The following CNTN5 variants were observed in gnomAD, a reference collection of about 807,000 sequenced individuals.
CNTN5 encodes the protein contactin-5.
A neutral mutation model predicts 129.1 loss-of-function variants in CNTN5; 77 were observed. The ratio of observed to expected loss-of-function variants is 0.60; its 90% CI spans 0.50 to 0.72. The LOEUF (loss-of-function observed/expected upper bound fraction) is 0.72, where lower values mean the gene tolerates loss of function less well. Ranked by LOEUF, CNTN5 falls within the 30% of genes least tolerant of loss-of-function variation. The pLI is 0.00. For missense variants in CNTN5, 1,478 were observed against 1,328.8 expected, an observed-to-expected ratio of 1.11 and a Z score of -1.75; for synonymous variants, 509 against 465.6, an observed-to-expected ratio of 1.09 and a Z score of -1.20.
intron 9 of CNTN5, among the ~76,000 whole-genome samples, chr11:100,038,280 G>C (rs1339865036): frequency 6.6e-6 from 1 of 152,116 alleles, no homozygotes; most frequent in Non-Finnish European, 1.5e-5. Context: ...GAGCGGTTTT[G>C]AGTGAGTTTC....
chr11:99,152,418 A>G (rs1860110335), intron 1 of CNTN5, among the ~76,000 whole-genome samples: 1 of 151,778 alleles, frequency 6.6e-6, no homozygotes, highest in African/African-American at 2.4e-5. Flanking sequence ...GTCTTTTTTG[A>G]CCATTGTTGA....
intron 16 of CNTN5, among the ~76,000 whole-genome samples, chr11:100,238,799 T>A (rs1255458337): frequency 3.3e-5 from 5 of 152,188 alleles, no homozygotes; most frequent in Non-Finnish European, 5.9e-5. Flanking sequence ...TAGTCTATAT[T>A]TCTCCAATAG....
intron 1 of CNTN5, among the ~76,000 whole-genome samples, chr11:99,317,812 A>C (rs1332349722): frequency 2.0e-5 from 3 of 151,952 alleles, no homozygotes; most frequent in Non-Finnish European, 4.4e-5. Context: ...TTCTACAATA[A>C]TTAACTTACT....
At chr11:99,707,662 G>T (rs1954812585) in intron 3 of CNTN5, among the ~76,000 whole-genome samples, 1 of 151,570 alleles carries the variant, frequency 6.6e-6, no homozygotes, top group South Asian at 2.1e-4. Flanking sequence ...CAATTTGAAA[G>T]CTAATTCTCT....
intron 2 of CNTN5, among the ~76,000 whole-genome samples, chr11:99,327,422 C>T (rs1200145274): frequency 6.6e-6 from 1 of 152,112 alleles, no homozygotes; most frequent in Non-Finnish European, 1.5e-5. Context: ...AGAAGAGGCT[C>T]TTTGTCAATC....
At chr11:99,774,941 T>C (rs1301277826) in intron 3 of CNTN5, among the ~76,000 whole-genome samples, 2 of 152,098 alleles carry the variant, frequency 1.3e-5, no homozygotes, top group African/African-American at 2.4e-5. Flanking sequence ...TATAGGATAT[T>C]TTATTTGGAT....
chr11:99,295,118 G>C (rs1207649996), intron 1 of CNTN5, among the ~76,000 whole-genome samples: 2 of 152,136 alleles, frequency 1.3e-5, no homozygotes, highest in Admixed American at 6.5e-5. Flanking sequence ...AAACCTTTGA[G>C]AGAATACAGT....
At chr11:99,946,625 A>G (rs977269700) in intron 7 of CNTN5, among the ~76,000 whole-genome samples, 2 of 152,172 alleles carry the variant, frequency 1.3e-5, no homozygotes, top group Admixed American at 1.3e-4. Flanking sequence ...AGGGAGAATC[A>G]ACAATTTATT....
Position 99,917,042 on chromosome 11 carries a change from AT to A in CNTN5, c.673+900del, listed in dbSNP as rs201046168. Among the ~76,000 whole-genome samples, 1,407 of 152,168 alleles carry A rather than the reference AT, an allele frequency of 9.2e-3. 16 individuals are homozygous for A. Among genetic ancestry groups the A allele is most frequent in the African/African-American group, 0.032 (1,332 of 41,516 alleles). Reference sequence around the variant, plus strand: ...AGCACAATTTGGCTCTACTGTACATATTTTTTTAATAACAAAATGGCCTACA... The same window carrying A: ...AGCACAATTTGGCTCTACTGTACATATTTTTTAATAACAAAATGGCCTACA... On this transcript the variant is annotated intron_variant, in intron 7 of 24. Coordinates refer to ENST00000524871, the MANE Select transcript of CNTN5 (RefSeq NM_014361.4).
At chr11:100,146,599 C>A (rs1471234349) in intron 13 of CNTN5, among the ~76,000 whole-genome samples, 1 of 152,060 alleles carries the variant, frequency 6.6e-6, no homozygotes, top group East Asian at 1.9e-4. Context: ...CAGTTTGTAA[C>A]AAATTATTCA....
intron 3 of CNTN5, among the ~76,000 whole-genome samples, chr11:99,801,617 C>T (rs1279804467): frequency 8.7e-6 from 1 of 115,544 alleles, no homozygotes; most frequent in African/African-American, 2.9e-5. Flanking sequence ...TTCTTGACAA[C>T]TTTTTTTAAC....
At chr11:99,238,662 A>G (rs1861395102) in intron 1 of CNTN5, among the ~76,000 whole-genome samples, 1 of 152,118 alleles carries the variant, frequency 6.6e-6, no homozygotes, top group East Asian at 1.9e-4. Context: ...ATGCTAAAAT[A>G]TTTTTTGTCA....
intron 7 of CNTN5, among the ~76,000 whole-genome samples, chr11:99,923,223 C>T (rs1377966739): frequency 6.6e-6 from 1 of 152,056 alleles, no homozygotes; most frequent in African/African-American, 2.4e-5. Flanking sequence ...AACATATGTA[C>T]ATGAAAATAC....
At chr11:99,833,568 ACTCTG>A (rs1429633798) in intron 4 of CNTN5, among the ~76,000 whole-genome samples, 2 of 152,160 alleles carry the variant, frequency 1.3e-5, no homozygotes, top group Admixed American at 6.5e-5. Flanking sequence ...GCTAGGATAA[ACTCTG>A]ATGTTCAGTA....
chr11:99,875,380 A>G (rs1948606419), intron 6 of CNTN5, among the ~76,000 whole-genome samples: 1 of 152,182 alleles, frequency 6.6e-6, no homozygotes, highest in African/African-American at 2.4e-5. Flanking sequence ...GTTGATTATT[A>G]AAACACTCTT....
intron 18 of CNTN5, among the ~76,000 whole-genome samples, chr11:100,286,065 C>A (rs1231229411): frequency 6.6e-6 from 1 of 152,220 alleles, no homozygotes; most frequent in Non-Finnish European, 1.5e-5. Context: ...AAAAACGGCC[C>A]AACACGAGAT....
intron 13 of CNTN5, among the ~76,000 whole-genome samples, chr11:100,086,639 A>G (rs1428351077): frequency 6.6e-6 from 1 of 151,446 alleles, no homozygotes; most frequent in Non-Finnish European, 1.5e-5. Flanking sequence ...TACTGTAAAT[A>G]CCGAACTAGA....
intron 9 of CNTN5, among the ~76,000 whole-genome samples, chr11:100,038,767 T>C (rs187037506): frequency 0.092 from 14,005 of 152,102 alleles, 819 homozygotes; most frequent in East Asian, 0.18. Context: ...TAAAGTCTGT[T>C]TTATCAGAGA....
intron 13 of CNTN5, among the ~76,000 whole-genome samples, chr11:100,093,890 C>A (rs939705542): frequency 1.3e-5 from 2 of 152,072 alleles, no homozygotes; most frequent in African/African-American, 2.4e-5. Context: ...GCAGAAGGAG[C>A]AAACACAGCT....
Sources: gnomAD v4.1 joint callset for allele counts (sites outside exome capture counted in the v4.1 genomes callset) on GRCh38, gnomAD v4.1.1 for gene constraint, MANE v1.5 for transcripts, NCBI Gene and HGNC (gene_info 2026-07-23, HGNC 2026-07-21) for gene names.